The following SUPT3H variants were observed in gnomAD, a reference collection of about 807,000 sequenced individuals.
SUPT3H encodes the protein SPT3 homolog, SAGA and STAGA complex component, also known as transcription initiation protein SPT3 homolog.
Under a neutral mutation model 44.3 loss-of-function variants are expected in SUPT3H, and 44 were observed. That is an observed-to-expected ratio of 0.99 (90% CI 0.78 to 1.28). The LOEUF (loss-of-function observed/expected upper bound fraction) is 1.28. Among genes scored for constraint, SUPT3H ranks in the 50% most tolerant of loss-of-function variants. The pLI, the probability that SUPT3H is intolerant of heterozygous loss-of-function variation, is 0.00. For missense variants in SUPT3H, 380 were observed against 387.1 expected (o/e 0.98, Z 0.15); for synonymous variants, 124 against 125.6 (o/e 0.99, Z 0.09).
At chr6:45,125,269 T>C (rs1484541992) in intron 2 of SUPT3H, among the ~76,000 whole-genome samples, 1 of 152,228 alleles carries the variant, frequency 6.6e-6, no homozygotes, top group Non-Finnish European at 1.5e-5. Context: ...TAACATGTCA[T>C]CATTTAATGA....
At chr6:44,989,195 C>G (rs1390843878) in intron 6 of SUPT3H, among the ~76,000 whole-genome samples, 1 of 152,076 alleles carries the variant, frequency 6.6e-6, no homozygotes, top group Non-Finnish European at 1.5e-5. Flanking sequence ...TAACCCATCA[C>G]CCTTTGGTTA....
At chr6:45,180,935 T>A (rs995123572) in intron 2 of SUPT3H, among the ~76,000 whole-genome samples, 6 of 149,820 alleles carry the variant, frequency 4.0e-5, no homozygotes, top group Admixed American at 2.0e-4. Context: ...ACAGGCAACC[T>A]ACAAAATGGG....
chr6:45,093,537 C>T (rs1423060037), intron 3 of SUPT3H, among the ~76,000 whole-genome samples: 1 of 151,996 alleles, frequency 6.6e-6, no homozygotes, highest in Non-Finnish European at 1.5e-5. Context: ...AAGTTTTAAA[C>T]AATCTCTTAG....
At chr6:45,018,291 A>G (rs1290661505) in intron 4 of SUPT3H, among the ~76,000 whole-genome samples, 1 of 152,236 alleles carries the variant, frequency 6.6e-6, no homozygotes, top group East Asian at 1.9e-4. Context: ...GTCGTCTGCA[A>G]ACAGGGACAA....
intron 10 of SUPT3H, among the ~76,000 whole-genome samples, chr6:44,858,853 T>G (rs1285776305): frequency 1.3e-5 from 2 of 152,184 alleles, no homozygotes; most frequent in African/African-American, 4.8e-5. Context: ...ACATTTTGCC[T>G]GTGTAGACAA....
chr6:45,127,750 G>A (rs1207468036), intron 2 of SUPT3H, among the ~76,000 whole-genome samples: 1 of 151,692 alleles, frequency 6.6e-6, no homozygotes, highest in Non-Finnish European at 1.5e-5. Flanking sequence ...ATTTACTTTG[G>A]ATTCAATTTT....
intron 2 of SUPT3H, among the ~76,000 whole-genome samples, chr6:45,150,756 T>G (rs947566074): frequency 1.6e-5 from 2 of 125,036 alleles, no homozygotes; most frequent in African/African-American, 6.3e-5. Context: ...GGAGTCTCAC[T>G]CTGTCGCCCA....
chr6:45,290,661 T>C (rs1490061994), intron 2 of SUPT3H, among the ~76,000 whole-genome samples: 1 of 152,168 alleles, frequency 6.6e-6, no homozygotes, highest in Non-Finnish European at 1.5e-5. Context: ...GCTGAAACTC[T>C]CATTCAAAGC....
rs1250713876 is a variant in SUPT3H at position 45,325,932 on chromosome 6, T to C, written c.101+39269A>G. On this transcript the variant is annotated intron_variant, in intron 2 of 10. Coordinates refer to ENST00000371459, the MANE Select transcript of SUPT3H (RefSeq NM_003599.4). Reference sequence around the variant, plus strand: ...TCATGTGGATAATGAATATACTAACTTAAAGCACATGATTTCACTATCTTT... The same window carrying C: ...TCATGTGGATAATGAATATACTAACCTAAAGCACATGATTTCACTATCTTT... Among the ~76,000 whole-genome samples the C allele has an allele frequency of 3.3e-5, 5 of 151,864 alleles. No homozygotes were observed. The South Asian group carries it at 1.0e-3, about 31-fold the overall frequency.
chr6:44,942,661 C>T (rs1338697838), intron 9 of SUPT3H, among the ~76,000 whole-genome samples: 1 of 152,114 alleles, frequency 6.6e-6, no homozygotes, highest in Non-Finnish European at 1.5e-5. Flanking sequence ...AACTCCTAGG[C>T]TAAAGTGATC....
chr6:45,317,392 A>G (rs1784864695), intron 2 of SUPT3H, among the ~76,000 whole-genome samples: 1 of 152,120 alleles, frequency 6.6e-6, no homozygotes, highest in African/African-American at 2.4e-5. Flanking sequence ...TAGCCAAAGC[A>G]GTCTTGAGCA....
At chr6:45,005,320 A>C (rs1486173817) in intron 5 of SUPT3H, among the ~76,000 whole-genome samples, 1 of 152,138 alleles carries the variant, frequency 6.6e-6, no homozygotes, top group African/African-American at 2.4e-5. Context: ...CCCATTTTCA[A>C]CTGGGTTGCC....
chr6:45,062,299 C>T (rs1792234008), intron 3 of SUPT3H, among the ~76,000 whole-genome samples: 1 of 152,102 alleles, frequency 6.6e-6, no homozygotes, highest in Admixed American at 6.5e-5. Context: ...TATAAATCTA[C>T]ACTGTACTAA....
At chr6:45,110,502 G>A (rs559629530) in intron 2 of SUPT3H, among the ~76,000 whole-genome samples, 18 of 151,610 alleles carry the variant, frequency 1.2e-4, no homozygotes, top group East Asian at 1.9e-4. Context: ...TACAATAAAC[G>A]TCTAGTCATT....
In SUPT3H at chr6:45,179,380, A is replaced by C. The variant is rs572190542; in HGVS notation, c.102-73374T>G. ...GGAATCCTCCCTAACTCATTTTATGAGGCCAGCATCATCCTGATACCAAAG... is the reference window on the plus strand; with the variant it reads ...GGAATCCTCCCTAACTCATTTTATGCGGCCAGCATCATCCTGATACCAAAG... On this transcript the variant is annotated intron_variant, in intron 2 of 10. Transcript: ENST00000371459. Among the ~76,000 whole-genome samples, 493 of 152,318 alleles carry C rather than the reference A, an allele frequency of 3.2e-3. 13 individuals carry two copies. Among genetic ancestry groups the C allele is most frequent in the Admixed American group, 0.029 (441 of 15,306 alleles).
At chr6:44,944,524 T>C (rs992823896) in intron 9 of SUPT3H, among the ~76,000 whole-genome samples, 3 of 151,598 alleles carry the variant, frequency 2.0e-5, no homozygotes, top group Non-Finnish European at 4.4e-5. Context: ...TTTGGGAGGC[T>C]GAGGTGGGTG....
intron 2 of SUPT3H, among the ~76,000 whole-genome samples, chr6:45,128,430 A>G (rs1802773362): frequency 7.2e-6 from 1 of 138,488 alleles, no homozygotes; most frequent in Non-Finnish European, 1.5e-5. Context: ...GCTTGAACCC[A>G]GGAGGTGCAG....
At chr6:45,317,073 A>G (rs1784803538) in intron 2 of SUPT3H, among the ~76,000 whole-genome samples, 1 of 151,838 alleles carries the variant, frequency 6.6e-6, no homozygotes, top group African/African-American at 2.4e-5. Flanking sequence ...CAAAAAATAC[A>G]AAAATTAGCC....
intron 3 of SUPT3H, among the ~76,000 whole-genome samples, chr6:45,046,968 A>G (rs1250572635): frequency 1.3e-5 from 2 of 152,182 alleles, no homozygotes; most frequent in African/African-American, 4.8e-5. Context: ...ACCCATAGAT[A>G]CCTTATGTTT....
Sources: allele counts gnomAD v4.1 joint callset (sites outside exome capture counted in the v4.1 genomes callset), GRCh38; gene constraint gnomAD v4.1.1; transcripts MANE v1.5; gene names NCBI Gene and HGNC (gene_info 2026-07-23, HGNC 2026-07-21).